TENT5D: variants seen among roughly 807,000 people sequenced by gnomAD.
TENT5D encodes terminal nucleotidyltransferase 5D.
For synonymous variants in TENT5D, 103 were observed against 100.6 expected (o/e 1.02, Z -0.15); for missense variants, 191 against 287.0 (o/e 0.67, Z 2.42).
chrX:80,379,491 T>C (rs1012210650), intron 3 of TENT5D, among the ~76,000 whole-genome samples: 23 of 111,310 alleles, frequency 2.1e-4, no homozygotes, highest in Non-Finnish European at 2.8e-4. Context: ...TTCCCTCTTT[T>C]TCCCTCTTTT....
chrX:80,442,333 C>T (rs1248984712), intron 2 of TENT5D, among the ~76,000 whole-genome samples, 189 bp from the exon 3 acceptor site: 2 of 111,965 alleles, frequency 1.8e-5, no homozygotes, highest in African/African-American at 6.5e-5. Context: ...TATCTAACAT[C>T]TTTGACATAA....
At chrX:80,343,695 T>C (rs1930006170) in intron 3 of TENT5D, among the ~76,000 whole-genome samples, 1 of 111,503 alleles carries the variant, frequency 9.0e-6, no homozygotes, top group Non-Finnish European at 1.9e-5. Flanking sequence ...CCACCGCGCC[T>C]GGCCCATTTT....
intron 2 of TENT5D, among the ~76,000 whole-genome samples, chrX:80,340,342 G>A (rs939022960): frequency 7.2e-5 from 8 of 110,654 alleles, no homozygotes; most frequent in African/African-American, 2.6e-4. Flanking sequence ...ATACTACTCT[G>A]GACTCCTGTA....
chrX:80,416,243 G>C (rs1408065242), upstream of TENT5D, among the ~76,000 whole-genome samples: 2 of 101,553 alleles, frequency 2.0e-5, no homozygotes, highest in African/African-American at 7.3e-5. Flanking sequence ...CCAACTCCTG[G>C]CTTCATTGAT....
At chrX:80,405,958 C>G (rs1184753443) in intron 3 of TENT5D, among the ~76,000 whole-genome samples, 3 of 109,347 alleles carry the variant, frequency 2.7e-5, no homozygotes, top group African/African-American at 1.0e-4. Flanking sequence ...CCCCGAGCAG[C>G]CTAACTGGGA....
rs146384379 is a variant in TENT5D, at chrX:80,426,814, C to T, written c.-142+6251C>T. ...ATTTTCAGTAGTTGATATGGTTTGT[C>T]TGTGTCCCCACCCAAATTTCAACTT... On this transcript the variant is annotated intron_variant, in intron 1 of 2. Coordinates refer to ENST00000308293, the Ensembl canonical transcript of TENT5D. 3.2e-3 allele frequency among the ~76,000 whole-genome samples: 363 copies of T among 111,874 alleles called. 3 individuals are homozygous for T. The East Asian group carries it at 0.053, about 16-fold the overall frequency.
intron 3 of TENT5D, among the ~76,000 whole-genome samples, chrX:80,385,214 C>T (rs1569363659): frequency 9.0e-6 from 1 of 111,330 alleles, no homozygotes; most frequent in Non-Finnish European, 1.9e-5. Context: ...GTACTGGTAT[C>T]AAAACAGAGA....
chrX:80,419,753 C>A (rs66538041), upstream of TENT5D, among the ~76,000 whole-genome samples: 10,869 of 112,086 alleles, frequency 0.097, 522 homozygotes, highest in African/African-American at 0.18. Flanking sequence ...CTCTGTTTCT[C>A]AGGCTGGAGT....
intron 3 of TENT5D, among the ~76,000 whole-genome samples, chrX:80,396,671 C>T (rs1460622925): frequency 9.3e-6 from 1 of 107,209 alleles, no homozygotes; most frequent in Non-Finnish European, 1.9e-5. Flanking sequence ...CCATGTCTAC[C>T]TCTTTCTACA....
chrX:80,389,664 C>T (rs1931089113), intron 3 of TENT5D, among the ~76,000 whole-genome samples: 1 of 112,043 alleles, frequency 8.9e-6, no homozygotes, highest in South Asian at 3.7e-4. Flanking sequence ...GTTTAGAAGA[C>T]GAGATTGACC....
chrX:80,417,916 G>T (rs1275113079), upstream of TENT5D, among the ~76,000 whole-genome samples: 22 of 111,237 alleles, frequency 2.0e-4, no homozygotes, highest in Non-Finnish European at 1.9e-5. Flanking sequence ...CAAGGTGTTT[G>T]CTTTCTCTCC....
At chrX:80,389,948 G>A (rs1453196086) in intron 3 of TENT5D, among the ~76,000 whole-genome samples, 1 of 111,805 alleles carries the variant, frequency 8.9e-6, no homozygotes, top group Non-Finnish European at 1.9e-5. Context: ...ATACAGTAGA[G>A]TGGGAAAGGA....
At chrX:80,407,950 C>A (rs1159630891) in intron 3 of TENT5D, among the ~76,000 whole-genome samples, 1 of 111,482 alleles carries the variant, frequency 9.0e-6, no homozygotes, top group Non-Finnish European at 1.9e-5. Context: ...AAGAATCTCA[C>A]TCAAAACTGC....
intron 3 of TENT5D, among the ~76,000 whole-genome samples, chrX:80,346,567 A>G (rs189147449): frequency 3.8e-4 from 42 of 111,301 alleles, no homozygotes; most frequent in Middle Eastern, 4.6e-3. Flanking sequence ...CATGTTTTTT[A>G]TTTGCATTTA....
At chrX:80,338,045 G>T (rs953082958) in intron 2 of TENT5D, among the ~76,000 whole-genome samples, 2 of 112,118 alleles carry the variant, frequency 1.8e-5, no homozygotes, top group Admixed American at 9.4e-5. Flanking sequence ...GATTACAGGC[G>T]TGATAATTTT....
chrX:80,437,984 T>C (rs1932213757), intron 1 of TENT5D, among the ~76,000 whole-genome samples: 1 of 111,651 alleles, frequency 9.0e-6, no homozygotes, highest in Admixed American at 9.6e-5. Context: ...GGCCTTAATG[T>C]CCAGCTCAGA....
chrX:80,363,869 T>C (rs1930455990), intron 3 of TENT5D, among the ~76,000 whole-genome samples: 1 of 112,677 alleles, frequency 8.9e-6, no homozygotes, highest in Non-Finnish European at 1.9e-5. Flanking sequence ...TTGATACATG[T>C]AGACATTGTG....
At chrX:80,381,175 A>T (rs772978773) in intron 3 of TENT5D, among the ~76,000 whole-genome samples, 76 of 111,588 alleles carry the variant, frequency 6.8e-4, no homozygotes, top group Admixed American at 6.7e-4. Flanking sequence ...TTCTCTCAGC[A>T]TTTGCTTGTC....
chrX:80,410,039 T>C (rs1931611400), intron 3 of TENT5D, among the ~76,000 whole-genome samples: 1 of 105,003 alleles, frequency 9.5e-6, no homozygotes, highest in Non-Finnish European at 2.0e-5. Context: ...TGGCTAGCCA[T>C]ATGTAGAAAG....
Sources: gnomAD v4.1 joint callset for allele counts (sites outside exome capture counted in the v4.1 genomes callset) on GRCh38, gnomAD v4.1.1 for gene constraint, MANE v1.5 for transcripts, NCBI Gene and HGNC (gene_info 2026-07-23, HGNC 2026-07-21) for gene names.